Variants in IAPP observed in about 807,000 individuals in gnomAD.
IAPP encodes the protein Islet amyloid polypeptide (diabetes-associated peptide; amylin).
Under a neutral mutation model 2.9 loss-of-function variants are expected in IAPP, and 4 were observed. The observed-to-expected ratio is 1.39, with a 90% CI of 0.69 to 3.19. The LOEUF is 3.19. Among genes scored for constraint, IAPP ranks in the 30% most tolerant of loss-of-function variants. The pLI is 0.01. For synonymous variants in IAPP, 40 were observed against 42.1 expected (o/e 0.95, Z 0.19); for missense variants, 114 against 105.3 (o/e 1.08, Z -0.36).
upstream of IAPP, among the ~76,000 whole-genome samples, chr12:21,368,219 C>T (rs866033446): frequency 3.3e-5 from 5 of 152,028 alleles, no homozygotes; most frequent in Non-Finnish European, 5.9e-5. Flanking sequence ...TAATGGAAGC[C>T]GAATCATATC....
At chr12:21,359,896 T>A (rs1322081095) in intron 1 of IAPP, among the ~76,000 whole-genome samples, 1 of 152,156 alleles carries the variant, frequency 6.6e-6, no homozygotes, top group Non-Finnish European at 1.5e-5. Context: ...CAACCCGAAG[T>A]CCATTAACAA....
At chr12:21,369,469 A>G (rs1939628447), upstream of IAPP, among the ~76,000 whole-genome samples, 1 of 152,224 alleles carries the variant, frequency 6.6e-6, no homozygotes, top group Non-Finnish European at 1.5e-5. Flanking sequence ...TCTGCACTTA[A>G]TAGCTCTTTC....
In IAPP at chr12:21,378,262, A is replaced by T. The variant is rs142526620; in HGVS notation, c.106A>T (p.Asn36Tyr). Residue 36 changes from asparagine to tyrosine, a missense_variant, in exon 3 of 3, where the codon AAC becomes TAC. Coordinates refer to ENST00000240652, the MANE Select transcript of IAPP (RefSeq NM_000415.3). ...ESHQVEKRKCNTATCATQRLA... is the reference protein window; with the variant it reads ...ESHQVEKRKCYTATCATQRLA... ...TCATCAGGTGGAAAAGCGGAAATGCAACACTGCCACATGTGCAACGCAGCG... is the reference window on the plus strand; with the variant it reads ...TCATCAGGTGGAAAAGCGGAAATGCTACACTGCCACATGTGCAACGCAGCG... 3 of 1,614,102 alleles carry T rather than the reference A, an allele frequency of 1.9e-6. No individual in the cohort carries two copies. In the African/African-American group the frequency reaches 4.0e-5, roughly 22 times the overall value.
intron 1 of IAPP, among the ~76,000 whole-genome samples, chr12:21,364,336 A>G (rs552720053): frequency 6.6e-6 from 1 of 152,362 alleles, no homozygotes; most frequent in Non-Finnish European, 1.5e-5. Context: ...GGCCTTTGAC[A>G]AAATTTAACA....
upstream of IAPP, among the ~76,000 whole-genome samples, chr12:21,370,038 A>G (rs1939665457): frequency 6.6e-6 from 1 of 152,216 alleles, no homozygotes; most frequent in Admixed American, 6.5e-5. Flanking sequence ...AACAAGATAT[A>G]CAACTTAGAG....
intron 1 of IAPP, among the ~76,000 whole-genome samples, chr12:21,366,475 C>T (rs1297936666): frequency 1.3e-5 from 2 of 152,108 alleles, no homozygotes; most frequent in Non-Finnish European, 2.9e-5. Context: ...AGCACACCAA[C>T]ATGGCGCACG....
chr12:21,358,929 A>G (rs960628993), intron 1 of IAPP, among the ~76,000 whole-genome samples: 7 of 152,192 alleles, frequency 4.6e-5, no homozygotes, highest in African/African-American at 1.2e-4. Flanking sequence ...ATGAGAGAGG[A>G]AACAATAACA....
At chr12:21,376,778 A>G (rs987788417) in intron 2 of IAPP, among the ~76,000 whole-genome samples, 26 of 152,092 alleles carry the variant, frequency 1.7e-4, no homozygotes, top group Non-Finnish European at 2.5e-4. Flanking sequence ...AGATAAATCC[A>G]TTGCATTTGA....
chr12:21,355,898 A>G (rs1357208721), intron 1 of IAPP, among the ~76,000 whole-genome samples: 2 of 152,196 alleles, frequency 1.3e-5, no homozygotes, highest in South Asian at 2.1e-4. Flanking sequence ...TAAAATGGCC[A>G]AGAAGTATTT....
intron 1 of IAPP, among the ~76,000 whole-genome samples, chr12:21,361,508 C>T (rs1427296761): frequency 1.3e-5 from 2 of 152,124 alleles, no homozygotes; most frequent in Admixed American, 1.3e-4. Flanking sequence ...GAGCTCCTTG[C>T]CAGTAATGGA....
upstream of IAPP, among the ~76,000 whole-genome samples, chr12:21,371,143 T>G (rs11046005): frequency 6.6e-6 from 1 of 152,062 alleles, no homozygotes; most frequent in Admixed American, 6.5e-5. Context: ...GTGGTAGTAA[T>G]TTTTGGGTCA....
At chr12:21,376,597 G>T (rs1201765830) in intron 2 of IAPP, among the ~76,000 whole-genome samples, 1 of 151,950 alleles carries the variant, frequency 6.6e-6, no homozygotes, top group African/African-American at 2.4e-5. Flanking sequence ...CATTCAACAA[G>T]TATCCAGTTC....
chr12:21,372,274 A>G (rs1939855787), upstream of IAPP, among the ~76,000 whole-genome samples: 1 of 152,146 alleles, frequency 6.6e-6, no homozygotes, highest in Non-Finnish European at 1.5e-5. Context: ...GTGCTGAAAA[A>G]TGAATTTTTT....
intron 2 of IAPP, chr12:21,374,576 A>G (rs1489603836): frequency 6.6e-6 from 1 of 152,168 alleles, no homozygotes; most frequent in Non-Finnish European, 1.5e-5. Context: ...TTGTCATTTC[A>G]AGGCTTATTT....
intron 1 of IAPP, among the ~76,000 whole-genome samples, chr12:21,359,621 C>T (rs1301898597): frequency 6.6e-6 from 1 of 152,124 alleles, no homozygotes; most frequent in Non-Finnish European, 1.5e-5. Flanking sequence ...GTGGTGGGCA[C>T]CTGTGGTCCC....
At chr12:21,369,090 A>G (rs932948597), upstream of IAPP, among the ~76,000 whole-genome samples, 2 of 152,204 alleles carry the variant, frequency 1.3e-5, no homozygotes, top group African/African-American at 4.8e-5. Flanking sequence ...GTCTTCTAAT[A>G]CCATTTGAAC....
chr12:21,360,774 G>A (rs910475175), intron 1 of IAPP, among the ~76,000 whole-genome samples: 7 of 152,232 alleles, frequency 4.6e-5, no homozygotes, highest in African/African-American at 1.7e-4. Flanking sequence ...CACACCCACG[G>A]AGGCTCGCTC....
At chr12:21,371,139 G>A (rs1159345259), upstream of IAPP, among the ~76,000 whole-genome samples, 1 of 152,174 alleles carries the variant, frequency 6.6e-6, no homozygotes, top group Non-Finnish European at 1.5e-5. Flanking sequence ...GGAAGTGGTA[G>A]TAATTTTTGG....
chr12:21,360,212 G>A (rs1398354133), intron 1 of IAPP, among the ~76,000 whole-genome samples: 2 of 152,166 alleles, frequency 1.3e-5, no homozygotes, highest in Admixed American at 1.3e-4. Flanking sequence ...TTAGAAGGAT[G>A]GAAATGTCTG....
Sources: gnomAD v4.1 joint callset for allele counts (sites outside exome capture counted in the v4.1 genomes callset) on GRCh38, gnomAD v4.1.1 for gene constraint, MANE v1.5 for transcripts, NCBI Gene and HGNC (gene_info 2026-07-23, HGNC 2026-07-21) for gene names.